CDC14A: variants seen among roughly 807,000 people sequenced by gnomAD.
The protein encoded by CDC14A is cell division cycle 14A.
A neutral mutation model predicts 74.4 loss-of-function variants in CDC14A; 53 were observed. The ratio of observed to expected loss-of-function variants is 0.71; its 90% CI spans 0.57 to 0.89. CDC14A has a LOEUF of 0.89. Among genes scored for constraint, CDC14A ranks in the 40% least tolerant of loss-of-function variants. CDC14A has a pLI of 0.00. For synonymous variants in CDC14A, 247 were observed against 258.4 expected (o/e 0.96, Z 0.43); for missense variants, 646 against 713.7 (o/e 0.91, Z 1.08).
At chr1:100,377,384 T>C (rs1655422660) in intron 2 of CDC14A, among the ~76,000 whole-genome samples, 162 bp from the exon 3 acceptor site, 1 of 152,170 alleles carries the variant, frequency 6.6e-6, no homozygotes, top group Non-Finnish European at 1.5e-5. Flanking sequence ...TAGAGGGCAT[T>C]AGGACGAAAC....
At chr1:100,364,076 C>T (rs944013707) in intron 2 of CDC14A, among the ~76,000 whole-genome samples, 2 of 152,120 alleles carry the variant, frequency 1.3e-5, no homozygotes, top group Non-Finnish European at 2.9e-5. Flanking sequence ...CTTCAGTGAA[C>T]CATGAGCATG....
At position 100,420,063 on chromosome 1, in the gene CDC14A, C is replaced by CACACATATATATATATATATATAT; in HGVS notation, c.310-4158_310-4157insCACATATATATATATATATATATA. Among the ~76,000 whole-genome samples the CACACATATATATATATATATATAT allele has an allele frequency of 1.1e-3, 68 of 61,580 alleles. 1 individual carries two copies. Among genetic ancestry groups the CACACATATATATATATATATATAT allele is most frequent in the Non-Finnish European group, 1.6e-3 (41 of 26,148 alleles). 40.4% of individuals were successfully genotyped at this position (61,580 alleles called of 152,430 possible). A position where few individuals can be genotyped will look rare whatever the true frequency, so the allele number is the denominator to read the frequency against. On this transcript the variant is annotated intron_variant, in intron 4 of 15. Transcript: ENST00000336454. Reference sequence around the variant, plus strand: ...ACACACACACACACACACACACACACATATATATATATATATATAGTGTGT... The same window carrying CACACATATATATATATATATATAT: ...ACACACACACACACACACACACACACACACATATATATATATATATATATATATATATATATATATATAGTGTGT...
upstream of CDC14A, among the ~76,000 whole-genome samples, chr1:100,348,293 A>AG (rs2100859129): frequency 6.6e-6 from 1 of 152,150 alleles, no homozygotes; most frequent in South Asian, 2.1e-4. Flanking sequence ...AAAAAAAAAA[A>AG]AAAAAAAAGA....
At chr1:100,394,247 G>C (rs906920430) in intron 4 of CDC14A, among the ~76,000 whole-genome samples, 1 of 151,962 alleles carries the variant, frequency 6.6e-6, no homozygotes, top group African/African-American at 2.4e-5. Flanking sequence ...TCCCTAGAAG[G>C]TGGGACTGCA....
At chr1:100,413,860 G>A (rs913624235) in intron 4 of CDC14A, among the ~76,000 whole-genome samples, 4 of 152,130 alleles carry the variant, frequency 2.6e-5, no homozygotes, top group Admixed American at 6.5e-5. Context: ...ATATAATTAA[G>A]TACCAATCAA....
At chr1:100,368,140 A>T (rs2100917790) in intron 2 of CDC14A, among the ~76,000 whole-genome samples, 1 of 152,280 alleles carries the variant, frequency 6.6e-6, no homozygotes, top group East Asian at 1.9e-4. Flanking sequence ...GGTACTTGGT[A>T]ATTTCTTTTA....
intron 14 of CDC14A, 91 bp from the exon 15 acceptor site, chr1:100,498,835 CTAA>C: frequency 6.8e-7 from 1 of 1,461,256 alleles, no homozygotes; most frequent in Non-Finnish European, 9.1e-7. Flanking sequence ...TCATGTTCCC[CTAA>C]TGTCATGAGT....
At chr1:100,434,088 A>G (rs893395193) in intron 5 of CDC14A, among the ~76,000 whole-genome samples, 4 of 152,192 alleles carry the variant, frequency 2.6e-5, no homozygotes, top group African/African-American at 9.7e-5. Flanking sequence ...TTCTATTTAA[A>G]TATTATTCAT....
upstream of CDC14A, among the ~76,000 whole-genome samples, chr1:100,349,859 C>T (rs1281484650): frequency 2.0e-5 from 3 of 152,088 alleles, no homozygotes; most frequent in East Asian, 1.9e-4. Flanking sequence ...CTTTCTCTGT[C>T]GCCCAGGCTG....
At chr1:100,376,401 T>G (rs1415976209) in intron 2 of CDC14A, among the ~76,000 whole-genome samples, 1 of 152,160 alleles carries the variant, frequency 6.6e-6, no homozygotes, top group Non-Finnish European at 1.5e-5. Flanking sequence ...GTAGCTTGTT[T>G]GATATATCAG....
chr1:100,491,007 C>G (rs1470548728), intron 11 of CDC14A, among the ~76,000 whole-genome samples: 1 of 152,184 alleles, frequency 6.6e-6, no homozygotes, highest in African/African-American at 2.4e-5. Flanking sequence ...AGGAATTCCA[C>G]TTCTATGAAT....
chr1:100,362,251 C>G (rs907713479), intron 2 of CDC14A, among the ~76,000 whole-genome samples: 4 of 151,998 alleles, frequency 2.6e-5, no homozygotes, highest in African/African-American at 4.8e-5. Flanking sequence ...TCCTTTCTGG[C>G]TTTGTGATTT....
chr1:100,425,302 T>C (rs747371813), intron 5 of CDC14A, among the ~76,000 whole-genome samples: 1 of 152,122 alleles, frequency 6.6e-6, no homozygotes, highest in African/African-American at 2.4e-5. Flanking sequence ...TCTGCAAGCA[T>C]GTGTATTGCT....
intron 4 of CDC14A, among the ~76,000 whole-genome samples, chr1:100,405,628 T>C (rs1442335323): frequency 1.3e-5 from 2 of 152,228 alleles, no homozygotes; most frequent in African/African-American, 4.8e-5. Context: ...GAACATGCAG[T>C]GTTTGGTTTT....
chr1:100,478,746 C>T (rs574116), intron 10 of CDC14A, among the ~76,000 whole-genome samples: 143,317 of 152,304 alleles, frequency 0.94, 67,897 homozygotes, highest in Non-Finnish European at 1. Context: ...AATCCATAAA[C>T]CAAAAATTCC....
intron 4 of CDC14A, among the ~76,000 whole-genome samples, chr1:100,414,374 G>A (rs1332417261): frequency 6.6e-6 from 1 of 152,160 alleles, no homozygotes; most frequent in African/African-American, 2.4e-5. Context: ...AATGTTTGGA[G>A]TATAATGTAT....
At chr1:100,361,571 T>TTGAA (rs1360130534) in intron 2 of CDC14A, among the ~76,000 whole-genome samples, 2 of 152,106 alleles carry the variant, frequency 1.3e-5, no homozygotes, top group South Asian at 2.1e-4. Context: ...GAAATTTTAG[T>TTGAA]TGAATGAATG....
chr1:100,446,257 C>T (rs1161792506), intron 7 of CDC14A, among the ~76,000 whole-genome samples: 1 of 151,798 alleles, frequency 6.6e-6, no homozygotes, highest in Non-Finnish European at 1.5e-5. Flanking sequence ...AATGATATGG[C>T]TCAGAAAAAC....
Position 100,499,265 on chromosome 1 carries a change from A to G in CDC14A, c.1755+3A>G. ...GATTCCTGAGCCGTTCTATCCCTGT[A>G]AGTGCGCAGACACCACCTCCTGGTC... On this transcript the variant is annotated splice_donor_region_variant and intron_variant, in intron 15 of 15. Transcript: ENST00000336454. 6.2e-7 allele frequency: 1 copy of G among 1,614,096 alleles called. No individual in the cohort carries two copies. Among genetic ancestry groups the G allele is most frequent in the Non-Finnish European group, 8.5e-7 (1 of 1,179,998 alleles).
Sources: allele counts gnomAD v4.1 joint callset (sites outside exome capture counted in the v4.1 genomes callset), GRCh38; gene constraint gnomAD v4.1.1; transcripts MANE v1.5; gene names NCBI Gene and HGNC (gene_info 2026-07-23, HGNC 2026-07-21).